SYT1: variants seen among roughly 807,000 people sequenced by gnomAD.
The protein encoded by SYT1 is synaptotagmin-1.
A neutral mutation model predicts 44.8 loss-of-function variants in SYT1; 8 were observed. The observed-to-expected ratio is 0.18, with a 90% CI of 0.10 to 0.32. SYT1 has a LOEUF of 0.32. SYT1 is among the 10% of genes least tolerant of loss of function. The pLI is 1.00. For missense variants in SYT1, 286 were observed against 509.3 expected (o/e 0.56, Z 4.22); for synonymous variants, 154 against 188.8 (o/e 0.82, Z 1.51).
chr12:79,264,535 G>T (rs899141685), intron 4 of SYT1, among the ~76,000 whole-genome samples: 6 of 152,268 alleles, frequency 3.9e-5, no homozygotes, highest in Middle Eastern at 3.4e-3. Flanking sequence ...AAAGAAAGCA[G>T]CACCCAAAAG....
At chr12:78,975,464 AT>A (rs1868755598) in intron 1 of SYT1, among the ~76,000 whole-genome samples, 1 of 152,170 alleles carries the variant, frequency 6.6e-6, no homozygotes, top group South Asian at 2.1e-4. Context: ...TTCATAAAAA[AT>A]GTCTTCAGTT....
At chr12:78,904,590 TG>T (rs1302750638) in intron 1 of SYT1, among the ~76,000 whole-genome samples, 5 of 152,132 alleles carry the variant, frequency 3.3e-5, no homozygotes, top group Non-Finnish European at 5.9e-5. Flanking sequence ...TATCTTTATA[TG>T]GAAAACTTTT....
In SYT1 at chr12:78,924,150, T is replaced by C. The variant is rs1877166640; in HGVS notation, c.-216-53649T>C. Among the ~76,000 whole-genome samples the C allele has an allele frequency of 2.6e-5, 4 of 151,912 alleles. No individual in the cohort carries two copies. The South Asian group carries it at 8.3e-4, about 31-fold the overall frequency. The stretch of plus-strand genomic sequence containing the variant: ...TTTGGTGGCAATACCACAGAAGTGA[T>C]GATGTGTCTTTTGCAATGCATCATA... On this transcript the variant is annotated intron_variant, in intron 1 of 10. Coordinates refer to ENST00000261205, the MANE Select transcript of SYT1 (RefSeq NM_005639.3).
chr12:79,349,056 A>G (rs867429024), intron 8 of SYT1, among the ~76,000 whole-genome samples: 11 of 125,982 alleles, frequency 8.7e-5, no homozygotes, highest in South Asian at 3.1e-4. Flanking sequence ...AAAGAAAGAA[A>G]GGAGGGAGGG....
chr12:79,329,535 A>C (rs574788926), intron 8 of SYT1, among the ~76,000 whole-genome samples: 8 of 152,234 alleles, frequency 5.3e-5, no homozygotes, highest in Non-Finnish European at 1.0e-4. Context: ...ACTAGCATGC[A>C]TGTACACTTT....
intron 3 of SYT1, among the ~76,000 whole-genome samples, chr12:79,095,943 A>C (rs1878098647): frequency 6.6e-6 from 1 of 151,974 alleles, no homozygotes; most frequent in African/African-American, 2.4e-5. Context: ...TGAGACTCAA[A>C]AAAGAGCCTG....
intron 3 of SYT1, among the ~76,000 whole-genome samples, chr12:79,122,583 T>A (rs79104808): frequency 0.021 from 3,136 of 150,420 alleles, 104 homozygotes; most frequent in South Asian, 0.1. Flanking sequence ...TTATTAAAAA[T>A]TTCCAATAAA....
chr12:79,040,456 T>C (rs938243609), intron 2 of SYT1, among the ~76,000 whole-genome samples: 5 of 152,332 alleles, frequency 3.3e-5, no homozygotes, highest in Admixed American at 3.3e-4. Context: ...CTTCACCCAC[T>C]TTTTGATGGG....
chr12:79,421,711 GT>G (rs71989672), intron 9 of SYT1, among the ~76,000 whole-genome samples: 10,798 of 141,092 alleles, frequency 0.077, 796 homozygotes, highest in East Asian at 0.22. Flanking sequence ...TTTGTTTTCT[GT>G]TTTTTTTTTT....
chr12:78,876,549 G>A lies in SYT1; in HGVS notation c.-217+11440G>A, dbSNP rs558030663. 5.7e-5 allele frequency among the ~76,000 whole-genome samples: 7 copies of A among 123,438 alleles called. No homozygotes were observed. In the South Asian group the frequency reaches 1.3e-3, roughly 24 times the overall value. 81.0% of individuals were successfully genotyped at this position (123,438 alleles called of 152,430 possible). A position where few individuals can be genotyped will look rare whatever the true frequency, so the allele number is the denominator to read the frequency against. The stretch of plus-strand genomic sequence containing the variant: ...ATATTTTATGTTATACTATATATAT[G>A]AGTGTGTGTATATATATACACACAT... On this transcript the variant is annotated intron_variant, in intron 1 of 10. Coordinates refer to ENST00000261205, the MANE Select transcript of SYT1 (RefSeq NM_005639.3).
chr12:79,134,784 A>T (rs1869075161), intron 3 of SYT1, among the ~76,000 whole-genome samples: 1 of 152,090 alleles, frequency 6.6e-6, no homozygotes. Flanking sequence ...GAAGTTTAAG[A>T]CATTCTAATA....
chr12:79,054,446 G>A (rs1443061953), intron 3 of SYT1, among the ~76,000 whole-genome samples: 1 of 151,900 alleles, frequency 6.6e-6, no homozygotes, highest in Non-Finnish European at 1.5e-5. Flanking sequence ...ATGGATTATA[G>A]CCATAAGTAT....
intron 3 of SYT1, among the ~76,000 whole-genome samples, chr12:79,082,226 A>T (rs1382092156): frequency 6.6e-6 from 1 of 152,108 alleles, no homozygotes; most frequent in Non-Finnish European, 1.5e-5. Flanking sequence ...TATTATTTTT[A>T]AAAATGTTTG....
intron 8 of SYT1, among the ~76,000 whole-genome samples, chr12:79,340,062 T>G (rs1222929006): frequency 6.6e-6 from 1 of 152,230 alleles, no homozygotes; most frequent in African/African-American, 2.4e-5. Context: ...CATGCTGTTT[T>G]GGTTACTGTA....
intron 1 of SYT1, among the ~76,000 whole-genome samples, chr12:78,951,046 G>A (rs17046094): frequency 0.15 from 22,287 of 152,036 alleles, 1,957 homozygotes; most frequent in East Asian, 0.3. Context: ...AATTGGTTTG[G>A]TTGGAAAATG....
chr12:79,085,188 A>T (rs1426800355), intron 3 of SYT1, among the ~76,000 whole-genome samples: 3 of 152,292 alleles, frequency 2.0e-5, no homozygotes, highest in Middle Eastern at 3.4e-3. Context: ...TATGCTAATG[A>T]TAAGCAATCA....
chr12:79,403,269 C>T (rs1246388474), intron 9 of SYT1, among the ~76,000 whole-genome samples: 1 of 152,024 alleles, frequency 6.6e-6, no homozygotes, highest in African/African-American at 2.4e-5. Context: ...GGGGAAGAGG[C>T]AGTTGGGAGA....
intron 3 of SYT1, among the ~76,000 whole-genome samples, chr12:79,108,267 AAAAAGTTGTTAAAGCAAT>A: frequency 6.6e-6 from 1 of 151,998 alleles, no homozygotes; most frequent in East Asian, 1.9e-4. Context: ...GTATTTTTTT[AAAAAGTTGTTAAAGCAAT>A]AAAAGCTGAA....
intron 3 of SYT1, among the ~76,000 whole-genome samples, chr12:79,169,241 A>G (rs963357804): frequency 2.6e-5 from 4 of 152,066 alleles, no homozygotes; most frequent in African/African-American, 9.7e-5. Flanking sequence ...TCACAGAAGA[A>G]TAGTTAGCAA....
Sources: allele counts gnomAD v4.1 joint callset (sites outside exome capture counted in the v4.1 genomes callset), GRCh38; gene constraint gnomAD v4.1.1; transcripts MANE v1.5; gene names NCBI Gene and HGNC (gene_info 2026-07-23, HGNC 2026-07-21).